CYBC1: variants seen among roughly 807,000 people sequenced by gnomAD.
CYBC1 encodes essential for reactive oxygen species protein.
A neutral mutation model predicts 21.7 loss-of-function variants in CYBC1; 22 were observed. The ratio of observed to expected loss-of-function variants is 1.02; its 90% CI spans 0.73 to 1.45. The LOEUF is 1.45. Among genes scored for constraint, CYBC1 ranks in the 40% most tolerant of loss-of-function variants. The pLI, the probability that CYBC1 is intolerant of heterozygous loss-of-function variation, is 0.00. For missense variants in CYBC1, 237 were observed against 242.1 expected, an observed-to-expected ratio of 0.98 and a Z score of 0.14; for synonymous variants, 112 against 98.7, an observed-to-expected ratio of 1.13 and a Z score of -0.80.
At chr17:82,445,259 C>T (rs1264054179) in intron 5 of CYBC1, 1 of 154,384 alleles carries the variant, frequency 6.5e-6, no homozygotes, top group Non-Finnish European at 1.4e-5. Flanking sequence ...GCGGCAGCAT[C>T]TACAGGAAAC....
chr17:82,443,334 G>T lies in CYBC1; in HGVS notation c.*670C>A. On this transcript the variant is annotated 3_prime_UTR_variant, in exon 7 of 7. Transcript: ENST00000306645. The surrounding 1 kb of genome is among the most constrained non-coding windows in gnomAD (Gnocchi z 6.7). The stretch of plus-strand genomic sequence containing the variant: ...CCTTTCTGTGACGACCGCTGGGGCA[G>T]AGTGGTCTATGCGCCGAGATCCTGG... 1 of 422,376 alleles carries T rather than the reference G, an allele frequency of 2.4e-6. No homozygotes were observed. Among genetic ancestry groups the T allele is most frequent in the Non-Finnish European group, 4.5e-6 (1 of 222,420 alleles). 26.2% of individuals were successfully genotyped at this position (422,376 alleles called of 1,614,324 possible).
At chr17:82,445,779 C>T (rs1034116456) in intron 5 of CYBC1, 85 bp downstream of exon 5, 1 of 1,015,414 alleles carries the variant, frequency 9.8e-7, no homozygotes. Flanking sequence ...TCCAGGCCCC[C>T]CTCTAGGCCC....
At position 82,442,670 on chromosome 17, in the gene CYBC1, T is replaced by C. The variant is rs2143666854; in HGVS notation, c.*1334A>G. On this transcript the variant is annotated 3_prime_UTR_variant, in exon 7 of 7. Coordinates refer to ENST00000306645, the MANE Select transcript of CYBC1 (RefSeq NM_001033046.4). The surrounding 1 kb of genome is among the most constrained non-coding windows in gnomAD (Gnocchi z 6.8). ...ACACGTGAAGGGTTATTTATGGTTA[T>C]GATGACCCTGTCCTGCAACGAGGGA... The C allele has an allele frequency of 3.0e-6, 4 of 1,354,142 alleles. No individual in the cohort carries two copies. Among genetic ancestry groups the C allele is most frequent in the Non-Finnish European group, 4.1e-6 (4 of 983,422 alleles). The allele number at this position is 1,354,142 out of a possible 1,614,324, so 83.9% of individuals were successfully genotyped here. A position where few individuals can be genotyped will look rare whatever the true frequency, so the allele number is the denominator to read the frequency against.
rs72857481 is a variant in CYBC1, at chr17:82,446,679, G to C, written c.145C>G (p.Leu49Val). 18 of 1,613,966 alleles carry C rather than the reference G, an allele frequency of 1.1e-5. No homozygotes were observed. The highest frequency in any genetic ancestry group is 1.5e-5 in the Non-Finnish European group (18 of 1,180,036). Residue 49 changes from leucine (L) to valine (V), a missense_variant, in exon 4 of 7, where the codon CTC becomes GTC. Leu to Val is a conservative substitution (Grantham distance 32). Transcript: ENST00000306645. ...AACAGGCAGCCTGTGACGTAGAAGAGCTTCCAGCCCAGGCTATCTGGAGAT... is the reference window on the plus strand; with the variant it reads ...AACAGGCAGCCTGTGACGTAGAAGACCTTCCAGCCCAGGCTATCTGGAGAT... ...YYSGDSLGWK[L>V]FYVTGCLFVA...
chr17:82,443,719 A>T lies in CYBC1; in HGVS notation c.*285T>A. 1.3e-6 allele frequency: 1 copy of T among 781,384 alleles called. No individual in the cohort carries two copies. Among genetic ancestry groups the T allele is most frequent in the Non-Finnish European group, 2.3e-6 (1 of 432,848 alleles). The allele number at this position is 781,384 out of a possible 1,614,324, so 48.4% of individuals were successfully genotyped here. ...CATGCAGTGTGCAAGCAGCAGCATG[A>T]GCAGGCAATAGGCCAACTCGGCTGG... On this transcript the variant is annotated 3_prime_UTR_variant, in exon 7 of 7. Coordinates refer to ENST00000306645, the MANE Select transcript of CYBC1 (RefSeq NM_001033046.4). This position sits in a 1 kb window ranked among gnomAD's most constrained non-coding sequence, Gnocchi z 6.7.
In CYBC1 at chr17:82,443,212, G is replaced by T. The variant is rs2054074209; in HGVS notation, c.*792C>A. The stretch of plus-strand genomic sequence containing the variant: ...TGGCATGAACCACTGCGCCCGGCTG[G>T]AGCTCCCGGTTTTTAAGCACTGCAC... On this transcript the variant is annotated 3_prime_UTR_variant, in exon 7 of 7. Transcript: ENST00000306645. The surrounding 1 kb of genome is among the most constrained non-coding windows in gnomAD (Gnocchi z 6.7). 3.3e-6 allele frequency: 1 copy of T among 307,062 alleles called. No individual in the cohort carries two copies. Among genetic ancestry groups the T allele is most frequent in the Non-Finnish European group, 6.4e-6 (1 of 155,526 alleles). 19.0% of individuals were successfully genotyped at this position (307,062 alleles called of 1,614,324 possible).
At chr17:82,444,799 C>T (rs1490284268) in intron 5 of CYBC1, 4 of 598,882 alleles carry the variant, frequency 6.7e-6, no homozygotes, top group South Asian at 4.5e-5. Flanking sequence ...GACGTGCCCG[C>T]GGTGCAGGCT....
intron 1 of CYBC1, chr17:82,450,393 A>G (rs916096045): frequency 6.6e-6 from 1 of 152,246 alleles, no homozygotes; most frequent in Non-Finnish European, 1.5e-5. Flanking sequence ...AACACCCGGC[A>G]TTCCACATCC....
rs763082095 is a variant in CYBC1 at position 82,444,108 on chromosome 17, C to T, written c.460G>A (p.Ala154Thr). 4.7e-5 allele frequency: 76 copies of T among 1,611,908 alleles called. 1 individual carries two copies. In the South Asian group the frequency reaches 6.7e-4, roughly 14 times the overall value. The stretch of plus-strand genomic sequence containing the variant: ...TCCAGGAAGCTGGTGATGAGCTTGG[C>T]GATGGCTTCCACATCACTGGGCGAG... ...MGHRSDVEAIAKLITSFLELH... is the reference protein window; with the variant it reads ...MGHRSDVEAITKLITSFLELH... The change falls in exon 7 of 7, where the codon GCC becomes ACC. Residue 154 changes from alanine to threonine, a missense_variant. Coordinates refer to ENST00000306645, the MANE Select transcript of CYBC1 (RefSeq NM_001033046.4).
At chr17:82,447,277 C>T (rs1271674816) in intron 3 of CYBC1, 12 of 436,428 alleles carry the variant, frequency 2.7e-5, no homozygotes, top group East Asian at 1.0e-4. Flanking sequence ...GGCGTGAACC[C>T]GGGAGGCGGA....
At chr17:82,444,743 G>T in intron 5 of CYBC1, 152 bp from the exon 6 acceptor site, 1 of 1,001,542 alleles carries the variant, frequency 1.0e-6, no homozygotes, top group Non-Finnish European at 1.5e-6. Flanking sequence ...GGCCCCGGAG[G>T]ACTGCTGTGG....
At chr17:82,449,354 C>T in intron 1 of CYBC1, 62 bp from the exon 2 acceptor site, 2 of 876,078 alleles carry the variant, frequency 2.3e-6, no homozygotes, top group South Asian at 2.2e-5. Flanking sequence ...CCCACGCCAT[C>T]AGGCCCAGTC....
chr17:82,444,446 C>T lies in CYBC1; in HGVS notation c.443+1G>A. ...GCCAGATCAAAGTCCCACAGCCTTA[C>T]CTGCGGTGGCCCATGACTGCACTCT... On this transcript the variant is annotated splice_donor_variant, in intron 6 of 6. Transcript: ENST00000306645. LOFTEE classifies it high-confidence loss of function. The T allele has an allele frequency of 6.2e-7, 1 of 1,604,070 alleles. No individual in the cohort carries two copies. Among genetic ancestry groups the T allele is most frequent in the Non-Finnish European group, 8.5e-7 (1 of 1,172,854 alleles).
Position 82,446,800 on chromosome 17 carries a change from G to T in CYBC1, c.128-104C>A, listed in dbSNP as rs2054321908. On this transcript the variant is annotated intron_variant, in intron 3 of 6. Coordinates refer to ENST00000306645, the MANE Select transcript of CYBC1 (RefSeq NM_001033046.4). Reference sequence around the variant, plus strand: ...CAGACGCTGGCCAGAGCCCACGCTTGCAAGGACCCCCTGGGCAGCTTCCTG... The same window carrying T: ...CAGACGCTGGCCAGAGCCCACGCTTTCAAGGACCCCCTGGGCAGCTTCCTG... 5 of 1,190,362 alleles carry T rather than the reference G, an allele frequency of 4.2e-6. No individual in the cohort carries two copies. In the East Asian group the frequency reaches 9.4e-5, roughly 22 times the overall value. 73.7% of individuals were successfully genotyped at this position (1,190,362 alleles called of 1,614,324 possible).
chr17:82,447,751 T>C, intron 2 of CYBC1, 130 bp from the exon 3 acceptor site: 1 of 808,858 alleles, frequency 1.2e-6, no homozygotes, highest in Non-Finnish European at 2.1e-6. Context: ...TGGTCAGGGG[T>C]TACAGACCAC....
At chr17:82,447,220 G>A (rs113707190) in intron 3 of CYBC1, 3 of 357,160 alleles carry the variant, frequency 8.4e-6, no homozygotes, top group Non-Finnish European at 1.0e-5. Context: ...GGGCGTAGTG[G>A]CGGGCGCCTG....
Position 82,443,266 on chromosome 17 carries a change from G to A in CYBC1, c.*738C>T. On this transcript the variant is annotated 3_prime_UTR_variant, in exon 7 of 7. Transcript: ENST00000306645. The surrounding 1 kb of genome is among the most constrained non-coding windows in gnomAD (Gnocchi z 6.7). ...ACTAGAAGAGCTGACCTTTTTTCTG[G>A]CCTCACAGCTTATGCTGAAGCTGAG... 1 of 357,638 alleles carries A rather than the reference G, an allele frequency of 2.8e-6. No homozygotes were observed. The highest frequency in any genetic ancestry group is 5.5e-6 in the Non-Finnish European group (1 of 181,926). The allele number at this position is 357,638 out of a possible 1,614,324, so 22.2% of individuals were successfully genotyped here.
At chr17:82,449,527 G>T in intron 1 of CYBC1, 1 of 389,788 alleles carries the variant, frequency 2.6e-6, no homozygotes, top group Non-Finnish European at 4.6e-6. Context: ...CCGACTGCGC[G>T]GGGGCTGTTT....
intron 4 of CYBC1, 25 bp downstream of exon 4, chr17:82,446,598 T>C (rs1368261413): frequency 6.2e-7 from 1 of 1,612,880 alleles, no homozygotes; most frequent in South Asian, 1.1e-5. Context: ...CCCTGGACTC[T>C]GTCCCGCACC....
Sources: allele counts gnomAD v4.1 joint callset, GRCh38; gene constraint gnomAD v4.1.1; non-coding constraint Gnocchi (gnomAD v3.1); transcripts MANE v1.5; gene names NCBI Gene and HGNC (gene_info 2026-07-23, HGNC 2026-07-21).